The following PBK variants were observed in gnomAD, a reference collection of about 807,000 sequenced individuals.
The protein encoded by PBK is PDZ binding kinase.
A neutral mutation model predicts 33.5 loss-of-function variants in PBK; 22 were observed. The observed-to-expected ratio is 0.66, with a 90% CI of 0.47 to 0.94. PBK has a LOEUF of 0.94. Ranked by LOEUF, PBK falls within the 40% of genes least tolerant of loss-of-function variation. The probability of loss-of-function intolerance (pLI) is 0.00; values close to 1 mark genes in which losing one functional copy is unlikely to be tolerated. For synonymous variants in PBK, 129 were observed against 123.8 expected (o/e 1.04, Z -0.28); for missense variants, 376 against 383.4 (o/e 0.98, Z 0.16).
chr8:27,811,102 C>T lies in PBK; in HGVS notation c.628G>A (p.Glu210Lys), dbSNP rs1805672313. The change falls in exon 7 of 8, where the codon GAG becomes AAG. Residue 210 changes from glutamate (E) to lysine (K), a missense_variant. By Grantham distance (56) the Glu-to-Lys change is moderately conservative. Coordinates refer to ENST00000301905, the MANE Select transcript of PBK (RefSeq NM_018492.4). ...TDPEACYIGT[E>K]PWKPKEAVEE... ...ACAGCTTCTTTGGGTTTCCATGGCT[C>T]TGTGCCAATGTAACAAGCCTCAGGG... 1 of 1,613,784 alleles carries T rather than the reference C, an allele frequency of 6.2e-7. No homozygotes were observed.
At chr8:27,816,359 T>TATATATATATATATA (rs1563489324) in intron 6 of PBK, among the ~76,000 whole-genome samples, 1,434 of 125,706 alleles carry the variant, frequency 0.011, 15 homozygotes, top group South Asian at 0.042. Flanking sequence ...ATATATATAT[T>TATATATATATATATA]TATTTATTTA....
At chr8:27,829,598 T>C (rs1806089188) in intron 2 of PBK, among the ~76,000 whole-genome samples, 1 of 152,182 alleles carries the variant, frequency 6.6e-6, no homozygotes, top group African/African-American at 2.4e-5. Context: ...CCTAGCGCGG[T>C]GGCTCACGCC....
intron 3 of PBK, 32 bp downstream of exon 3, chr8:27,828,073 G>T: frequency 9.9e-7 from 1 of 1,009,580 alleles, no homozygotes; most frequent in South Asian, 1.3e-5. Context: ...ATAGTTGCAT[G>T]AAAAAAGGTT....
Position 27,822,430 on chromosome 8 carries a change from T to C in PBK, c.354A>G (p.Gly118=), listed in dbSNP as rs747834390. The change falls in exon 5 of 8, where the codon GGA becomes GGG. Residue 118 remains glycine, a synonymous_variant. Transcript: ENST00000301905. ...TTAAGTCATTTAGAGACTTTTCACC[T>C]CCATATTCCATAGCAAGACACAGAC... The part of the protein sequence containing the change: ...DGSLCLAMEY[G]GEKSLNDLIE... 6.2e-7 allele frequency: 1 copy of C among 1,611,620 alleles called. No homozygotes were observed. Among genetic ancestry groups the C allele is most frequent in the South Asian group, 1.1e-5 (1 of 90,916 alleles).
At chr8:27,818,724 A>T (rs1244697116) in intron 6 of PBK, among the ~76,000 whole-genome samples, 1 of 151,766 alleles carries the variant, frequency 6.6e-6, no homozygotes, top group East Asian at 1.9e-4. Flanking sequence ...TCTCCAACCC[A>T]CTGTGATATA....
intron 6 of PBK, among the ~76,000 whole-genome samples, chr8:27,819,166 GTTTGATTGAACATGTATC>G (rs1405082199): frequency 1.3e-5 from 2 of 152,114 alleles, no homozygotes; most frequent in Admixed American, 6.5e-5. Context: ...TCCCAGCCAT[GTTTGATTGAACATGTATC>G]CTCAAAGAGG....
rs559081825 is a variant in PBK, at chr8:27,833,067, T to C, written c.47A>G (p.Lys16Arg). The change falls in exon 2 of 8, where the codon AAA becomes AGA. Residue 16 changes from lysine (K) to arginine (R), a missense_variant. Coordinates refer to ENST00000301905, the MANE Select transcript of PBK (RefSeq NM_018492.4). The stretch of plus-strand genomic sequence containing the variant: ...ATCTGCTATCTTACCAGATTTCTTT[T>C]TTTCTGATAATTTGCTTGGTGTCTT... ...NFKTPSKLSE[K>R]KKSVLCSTPT... 1 of 1,593,306 alleles carries C rather than the reference T, an allele frequency of 6.3e-7. No individual in the cohort carries two copies. The highest frequency in any genetic ancestry group is 1.1e-5 in the South Asian group (1 of 88,694).
In PBK at chr8:27,828,744, C is replaced by CAAA. The variant is rs34388320; in HGVS notation, c.59-549_59-547dup. ...TGGGTGACAGAGCAAGACACAGTCTCAAAAAAAAAAAAAAAAAAAAAAAAA... is the reference window on the plus strand; with the variant it reads ...TGGGTGACAGAGCAAGACACAGTCTCAAAAAAAAAAAAAAAAAAAAAAAAAAAA... On this transcript the variant is annotated intron_variant, in intron 2 of 7. Transcript: ENST00000301905. 1.3e-3 allele frequency among the ~76,000 whole-genome samples: 111 copies of CAAA among 82,484 alleles called. 1 individual carries two copies. In the East Asian group the frequency reaches 0.02, roughly 15 times the overall value. 54.1% of individuals were successfully genotyped at this position (82,484 alleles called of 152,430 possible). A position where few individuals can be genotyped will look rare whatever the true frequency, so the allele number is the denominator to read the frequency against.
chr8:27,816,372 TATTTATTTTA>T (rs1205864574), intron 6 of PBK, among the ~76,000 whole-genome samples: 1 of 110,248 alleles, frequency 9.1e-6, no homozygotes, highest in Non-Finnish European at 1.9e-5. Flanking sequence ...TTTATTTATT[TATTTATTTTA>T]ATTTATTTTT....
Position 27,810,272 on chromosome 8 carries a change from T to C in PBK, c.*33A>G, listed in dbSNP as rs1273936072. ...GTAAATATTTTGGAATAAACAGTTA[T>C]TTACGCAAGCCACACTTCAGCTGAG... is the stretch of plus-strand genomic sequence containing the variant. On this transcript the variant is annotated 3_prime_UTR_variant, in exon 8 of 8. Transcript: ENST00000301905. 4 of 1,453,676 alleles carry C rather than the reference T, an allele frequency of 2.8e-6. No homozygotes were observed. The African/African-American group carries it at 4.2e-5, about 15-fold the overall frequency. The allele number at this position is 1,453,676 out of a possible 1,614,324, so 90.0% of individuals were successfully genotyped here. A position where few individuals can be genotyped will look rare whatever the true frequency, so the allele number is the denominator to read the frequency against.
chr8:27,822,576 T>C lies in PBK; in HGVS notation c.296-88A>G, dbSNP rs189891155. 1.2e-4 allele frequency: 98 copies of C among 832,258 alleles called. No homozygotes were observed. The African/African-American group carries it at 1.7e-3, about 14-fold the overall frequency. 51.6% of individuals were successfully genotyped at this position (832,258 alleles called of 1,614,324 possible). ...ATAGTAACGTGATTGAAAATATGGATCTGGACTAACGCTGACAAATATACA... is the reference window on the plus strand; with the variant it reads ...ATAGTAACGTGATTGAAAATATGGACCTGGACTAACGCTGACAAATATACA... On this transcript the variant is annotated intron_variant, in intron 4 of 7. Transcript: ENST00000301905.
intron 3 of PBK, among the ~76,000 whole-genome samples, chr8:27,826,118 T>C (rs1053929909): frequency 6.6e-6 from 1 of 151,984 alleles, no homozygotes; most frequent in Non-Finnish European, 1.5e-5. Context: ...TATGAAGAAT[T>C]AGCAGTCAAA....
chr8:27,825,917 AAG>A (rs1179768894), intron 3 of PBK, among the ~76,000 whole-genome samples: 7 of 152,210 alleles, frequency 4.6e-5, no homozygotes, highest in Admixed American at 1.3e-4. Flanking sequence ...AACAGAGAAA[AAG>A]AGGTGAAAAT....
At chr8:27,819,884 T>C (rs555744601) in intron 6 of PBK, among the ~76,000 whole-genome samples, 13 of 152,238 alleles carry the variant, frequency 8.5e-5, no homozygotes, top group Admixed American at 3.3e-4. Context: ...AGTCTGTCCA[T>C]TCATTCTGAC....
chr8:27,814,049 T>C (rs1314407071), intron 6 of PBK, among the ~76,000 whole-genome samples: 1 of 152,182 alleles, frequency 6.6e-6, no homozygotes, highest in Admixed American at 6.6e-5. Flanking sequence ...CAGGTTTTCA[T>C]ATTAGAGTTA....
At chr8:27,825,515 C>A (rs182012197) in intron 3 of PBK, among the ~76,000 whole-genome samples, 1 of 152,110 alleles carries the variant, frequency 6.6e-6, no homozygotes. Context: ...TGCCCACCCC[C>A]CTTCCCCAGC....
At chr8:27,810,917 A>T in intron 7 of PBK, 41 bp downstream of exon 7, 1 of 1,231,262 alleles carries the variant, frequency 8.1e-7, no homozygotes, top group Non-Finnish European at 1.2e-6. Context: ...TTTAGTGTGA[A>T]ATGAAGAGAT....
At position 27,810,308 on chromosome 8, in the gene PBK, G is replaced by C. The variant is rs1260408760; in HGVS notation, c.966C>G (p.Val322=). 1.9e-6 allele frequency: 3 copies of C among 1,604,244 alleles called. No homozygotes were observed. In the African/African-American group the frequency reaches 4.0e-5, roughly 21 times the overall value. ...CACACTTCAGCTGAGATGATCACTA[G>C]ACATCTGTTTCCAGAGCTTCAACAA... The part of the protein sequence containing the change: ...AHIVEALETD[V] The change falls in exon 8 of 8, where the codon GTC becomes GTG. Residue 322 remains valine, a synonymous_variant. Transcript: ENST00000301905.
chr8:27,821,836 T>C (rs1011786780), intron 5 of PBK, among the ~76,000 whole-genome samples: 1 of 152,338 alleles, frequency 6.6e-6, no homozygotes, highest in East Asian at 1.9e-4. Context: ...TTTTGGTCAA[T>C]GATGGACAAC....
Sources: gnomAD v4.1 joint callset for allele counts (sites outside exome capture counted in the v4.1 genomes callset) on GRCh38, gnomAD v4.1.1 for gene constraint, MANE v1.5 for transcripts, NCBI Gene and HGNC (gene_info 2026-07-23, HGNC 2026-07-21) for gene names.